MIER3: variants seen among roughly 807,000 people sequenced by gnomAD.
MIER3 encodes MIER family member 3, also known as mesoderm induction early response protein 3.
MIER3 carries 9 observed loss-of-function variants against 63.2 expected under a neutral mutation model. The observed-to-expected ratio is 0.14, with a 90% confidence interval of 0.09 to 0.25. The LOEUF (loss-of-function observed/expected upper bound fraction) is 0.25, where lower values mean the gene tolerates loss of function less well. Ranked by LOEUF, MIER3 falls within the 10% of genes least tolerant of loss-of-function variation. The pLI is 1.00. For missense variants in MIER3, 512 were observed against 666.2 expected (o/e 0.77, Z 2.55); for synonymous variants, 205 against 224.9 (o/e 0.91, Z 0.79).
chr5:56,926,610 C>T lies in MIER3; in HGVS notation c.924+2157G>A, dbSNP rs142214252. 1.3e-4 allele frequency among the ~76,000 whole-genome samples: 20 copies of T among 152,236 alleles called. No homozygotes were observed. In the East Asian group the frequency reaches 3.9e-3, roughly 29 times the overall value. ...ACGAAATGCTGGTGAAGATGTAGAG[C>T]AATAGAACTCATTCATTACTGCTGG... On this transcript the variant is annotated intron_variant, in intron 10 of 12. Coordinates refer to ENST00000381199, the MANE Select transcript of MIER3 (RefSeq NM_001297599.2).
chr5:56,923,660 T>G (rs1266793812), intron 12 of MIER3, 31 bp downstream of exon 12: 1 of 1,613,910 alleles, frequency 6.2e-7, no homozygotes, highest in Admixed American at 1.7e-5. Flanking sequence ...TGCAACAAAC[T>G]GTACTAAATG....
chr5:56,951,452 G>C (rs1487520944), intron 1 of MIER3, among the ~76,000 whole-genome samples: 1 of 152,152 alleles, frequency 6.6e-6, no homozygotes, highest in Non-Finnish European at 1.5e-5. Context: ...CTCCTGGAGA[G>C]GGCGTCGAGG....
At chr5:56,924,082 A>C in intron 10 of MIER3, 40 bp from the exon 11 acceptor site, 1 of 1,585,400 alleles carries the variant, frequency 6.3e-7, no homozygotes, top group Non-Finnish European at 8.6e-7. Context: ...CAACAAACTC[A>C]ACCATTTTTT....
rs12654125 is a variant in MIER3 at position 56,919,926 on chromosome 5, G to A, written c.*3202C>T. The stretch of plus-strand genomic sequence containing the variant: ...GGAACTTTTTAAAAAACATAGTAAC[G>A]TCAATATTTTATAAATTATTTCAAT... On this transcript the variant is annotated 3_prime_UTR_variant, in exon 13 of 13. Transcript: ENST00000381199. The A allele has an allele frequency of 0.091, 13,864 of 152,532 alleles. 650 individuals are homozygous for A. The highest frequency in any genetic ancestry group is 0.14 in the East Asian group (714 of 5,182). 9.4% of individuals were successfully genotyped at this position (152,532 alleles called of 1,614,324 possible).
At position 56,920,995 on chromosome 5, in the gene MIER3, ATAAC is replaced by A. The variant is rs1348492463; in HGVS notation, c.*2129_*2132del. 6.6e-6 allele frequency: 1 copy of A among 152,562 alleles called. No homozygotes were observed. Among genetic ancestry groups the A allele is most frequent in the Non-Finnish European group, 1.5e-5 (1 of 67,952 alleles). 9.5% of individuals were successfully genotyped at this position (152,562 alleles called of 1,614,324 possible). A position where few individuals can be genotyped will look rare whatever the true frequency, so the allele number is the denominator to read the frequency against. ...ATTTTGGTCAAAAATCTTTATTTAA[ATAAC>A]TAAAGTGTCCATTCAACTTGCTGAT... On this transcript the variant is annotated 3_prime_UTR_variant, in exon 13 of 13. Coordinates refer to ENST00000381199, the MANE Select transcript of MIER3 (RefSeq NM_001297599.2).
At chr5:56,950,486 T>C in intron 2 of MIER3, 142 bp downstream of exon 2, 2 of 855,384 alleles carry the variant, frequency 2.3e-6, no homozygotes, top group Non-Finnish European at 3.7e-6. Flanking sequence ...CCCCAAACTT[T>C]ACTAAATGCA....
chr5:56,938,812 T>C (rs1463390707), intron 4 of MIER3, 71 bp downstream of exon 4: 1 of 1,518,540 alleles, frequency 6.6e-7, no homozygotes, highest in Non-Finnish European at 8.9e-7. Flanking sequence ...TATTAAATAA[T>C]ACTTTAAATG....
chr5:56,930,754 G>T lies in MIER3; in HGVS notation c.748-9C>A, dbSNP rs776263487. ...AGAAGTTCATATAATGCCTGGGATG[G>T]ATATTCAATAAAAAGTATTAAAAGT... On this transcript the variant is annotated splice_polypyrimidine_tract_variant and intron_variant, in intron 8 of 12. Coordinates refer to ENST00000381199, the MANE Select transcript of MIER3 (RefSeq NM_001297599.2). The T allele has an allele frequency of 6.2e-6, 10 of 1,607,482 alleles. No homozygotes were observed. The highest frequency in any genetic ancestry group is 7.7e-6 in the Non-Finnish European group (9 of 1,174,518).
intron 7 of MIER3, among the ~76,000 whole-genome samples, chr5:56,934,521 G>C (rs756405138): frequency 6.6e-6 from 1 of 152,236 alleles, no homozygotes; most frequent in Non-Finnish European, 1.5e-5. Context: ...CAAAGGCCAA[G>C]TGTGGCATTT....
intron 5 of MIER3, among the ~76,000 whole-genome samples, chr5:56,936,423 A>G (rs538485516): frequency 6.6e-6 from 1 of 152,280 alleles, no homozygotes; most frequent in South Asian, 2.1e-4. Flanking sequence ...GGATATTTGA[A>G]CTTATTGACC....
chr5:56,937,953 C>G (rs1338059442), intron 4 of MIER3, among the ~76,000 whole-genome samples: 4 of 151,744 alleles, frequency 2.6e-5, no homozygotes, highest in Admixed American at 2.6e-4. Context: ...ATGCAGAGAG[C>G]TTATCTAAAG....
At chr5:56,938,780 C>A in intron 4 of MIER3, 103 bp downstream of exon 4, 2 of 1,442,446 alleles carry the variant, frequency 1.4e-6, no homozygotes, top group Non-Finnish European at 9.3e-7. Flanking sequence ...AATGGGTCAA[C>A]AAGAAGTTTA....
At chr5:56,947,303 A>T (rs1223851767) in intron 2 of MIER3, among the ~76,000 whole-genome samples, 1 of 152,200 alleles carries the variant, frequency 6.6e-6, no homozygotes, top group Non-Finnish European at 1.5e-5. Context: ...TAAGGGGTTT[A>T]GTCCACAAGA....
At chr5:56,924,808 G>A (rs1749880670) in intron 10 of MIER3, among the ~76,000 whole-genome samples, 1 of 152,144 alleles carries the variant, frequency 6.6e-6, no homozygotes, top group Non-Finnish European at 1.5e-5. Flanking sequence ...TTTCTCCCTT[G>A]CTTAATCAGT....
At chr5:56,933,735 T>C (rs1750352454) in intron 7 of MIER3, among the ~76,000 whole-genome samples, 1 of 152,176 alleles carries the variant, frequency 6.6e-6, no homozygotes, top group African/African-American at 2.4e-5. Flanking sequence ...AAATAACCTG[T>C]GTAAATTCTC....
chr5:56,937,497 A>G, intron 5 of MIER3, 81 bp downstream of exon 5: 1 of 1,310,030 alleles, frequency 7.6e-7, no homozygotes, highest in Admixed American at 2.6e-5. Context: ...ATATTCTGAC[A>G]CAAATTACTG....
At position 56,937,723 on chromosome 5, in the gene MIER3, A is replaced by G. The variant is rs2112120350; in HGVS notation, c.316-25T>C. 3.1e-6 allele frequency: 5 copies of G among 1,589,608 alleles called. No individual in the cohort carries two copies. The South Asian group carries it at 3.5e-5, about 11-fold the overall frequency. On this transcript the variant is annotated intron_variant, in intron 4 of 12. Transcript: ENST00000381199. ...CCTGGAAGAATAAGAAGGCAGTGCTACAGTTAGAAATGATTACATCTCATT... is the reference window on the plus strand; with the variant it reads ...CCTGGAAGAATAAGAAGGCAGTGCTGCAGTTAGAAATGATTACATCTCATT...
At chr5:56,947,674 C>T (rs565421586) in intron 2 of MIER3, among the ~76,000 whole-genome samples, 4 of 152,300 alleles carry the variant, frequency 2.6e-5, no homozygotes, top group East Asian at 3.9e-4. Flanking sequence ...AGTTCCCTAG[C>T]ATTAATCAGA....
Position 56,922,521 on chromosome 5 carries a change from G to A in MIER3, c.*607C>T, listed in dbSNP as rs908533610. Reference sequence around the variant, plus strand: ...AGATGGACTTGCTGTTTTGTAAACTGAAGTGCTCTAGTTGAATAACATGAG... The same window carrying A: ...AGATGGACTTGCTGTTTTGTAAACTAAAGTGCTCTAGTTGAATAACATGAG... On this transcript the variant is annotated 3_prime_UTR_variant, in exon 13 of 13. Coordinates refer to ENST00000381199, the MANE Select transcript of MIER3 (RefSeq NM_001297599.2). 1 of 152,956 alleles carries A rather than the reference G, an allele frequency of 6.5e-6. No homozygotes were observed. Among genetic ancestry groups the A allele is most frequent in the African/African-American group, 2.4e-5 (1 of 41,448 alleles). The allele number at this position is 152,956 out of a possible 1,614,324, so 9.5% of individuals were successfully genotyped here. A position where few individuals can be genotyped will look rare whatever the true frequency, so the allele number is the denominator to read the frequency against.
Sources: allele counts gnomAD v4.1 joint callset (sites outside exome capture counted in the v4.1 genomes callset), GRCh38; gene constraint gnomAD v4.1.1; transcripts MANE v1.5; gene names NCBI Gene and HGNC (gene_info 2026-07-23, HGNC 2026-07-21).